Variants in ADAM17 observed in about 807,000 individuals in gnomAD.
ADAM17 encodes ADAM metallopeptidase domain 17.
Under a neutral mutation model 96.7 loss-of-function variants are expected in ADAM17, and 39 were observed. The ratio of observed to expected loss-of-function variants is 0.40; its 90% CI spans 0.31 to 0.53. The LOEUF (loss-of-function observed/expected upper bound fraction) is 0.53, where lower values mean the gene tolerates loss of function less well. ADAM17 is among the 20% of genes least tolerant of loss of function. The probability of loss-of-function intolerance (pLI) is 0.44; values close to 1 mark genes in which losing one functional copy is unlikely to be tolerated. For synonymous variants in ADAM17, 344 were observed against 359.2 expected (o/e 0.96, Z 0.48); for missense variants, 777 against 1,013.2 (o/e 0.77, Z 3.17).
At chr2:9,526,957 C>CAA (rs1664556229) in intron 5 of ADAM17, among the ~76,000 whole-genome samples, 1 of 151,960 alleles carries the variant, frequency 6.6e-6, no homozygotes, top group Non-Finnish European at 1.5e-5. Context: ...TTTAATAGGA[C>CAA]AACTTTCTTG....
At chr2:9,506,673 C>CAGATTGTCTAAGGGGTCTG (rs1167972708) in intron 11 of ADAM17, 2 of 152,332 alleles carry the variant, frequency 1.3e-5, no homozygotes, top group Non-Finnish European at 2.9e-5. Context: ...CCAAATCTGT[C>CAGATTGTCTAAGGGGTCTG]GTTACAGTAC....
chr2:9,522,331 G>T, intron 7 of ADAM17: 1 of 523,248 alleles, frequency 1.9e-6, no homozygotes. Flanking sequence ...TGAAACTAGT[G>T]ACATGAATGT....
intron 1 of ADAM17, among the ~76,000 whole-genome samples, chr2:9,545,225 G>A (rs1665361187): frequency 6.6e-6 from 1 of 152,116 alleles, no homozygotes; most frequent in Admixed American, 6.5e-5. Context: ...GGATCCAATA[G>A]TCTGTGTTTA....
At chr2:9,541,774 C>G (rs372265679) in intron 2 of ADAM17, among the ~76,000 whole-genome samples, 27 of 151,962 alleles carry the variant, frequency 1.8e-4, no homozygotes, top group Admixed American at 6.6e-5. Flanking sequence ...ATGCAGTGGC[C>G]CCTGTCTGTA....
chr2:9,531,457 C>CT (rs1338712890), intron 4 of ADAM17, among the ~76,000 whole-genome samples: 1 of 151,652 alleles, frequency 6.6e-6, no homozygotes, highest in Non-Finnish European at 1.5e-5. Context: ...ATCCCAGCAC[C>CT]TTGGGAGGCC....
rs1175757966 is a variant in ADAM17 at position 9,518,261 on chromosome 2, A to C, written c.958-14T>G. 1.2e-5 allele frequency: 8 copies of C among 660,810 alleles called. No individual in the cohort carries two copies. Among genetic ancestry groups the C allele is most frequent in the Non-Finnish European group, 1.7e-5 (8 of 482,020 alleles). 40.9% of individuals were successfully genotyped at this position (660,810 alleles called of 1,614,324 possible). On this transcript the variant is annotated splice_polypyrimidine_tract_variant and intron_variant, in intron 8 of 18. Transcript: ENST00000310823. Reference sequence around the variant, plus strand: ...AAAGCTAAATTGCTTTGAAAGACCAAAAAAAAAAAAAAAAAAAAAAGCATT... The same window carrying C: ...AAAGCTAAATTGCTTTGAAAGACCACAAAAAAAAAAAAAAAAAAAAGCATT...
Position 9,555,682 on chromosome 2 carries a change from G to C in ADAM17, c.-77C>G, listed in dbSNP as rs890946256. ...GGGTTTCGGAAAACTGCTCACATCG[G>C]GGGAGGACGGGATCCGCCCGGCCTA... On this transcript the variant is annotated 5_prime_UTR_variant, in exon 1 of 19. Transcript: ENST00000310823. The C allele has an allele frequency of 1.9e-5, 24 of 1,240,970 alleles. No individual in the cohort carries two copies. Among genetic ancestry groups the C allele is most frequent in the Non-Finnish European group, 2.4e-5 (22 of 907,564 alleles). The allele number at this position is 1,240,970 out of a possible 1,614,324, so 76.9% of individuals were successfully genotyped here.
intron 18 of ADAM17, 72 bp from the exon 19 acceptor site, chr2:9,490,590 A>ATT: frequency 7.1e-7 from 1 of 1,411,772 alleles, no homozygotes; most frequent in East Asian, 2.5e-5. Context: ...CTCCACCCTT[A>ATT]CCCATCAAAC....
chr2:9,517,811 A>AT, intron 10 of ADAM17, 90 bp downstream of exon 10: 9 of 846,162 alleles, frequency 1.1e-5, no homozygotes, highest in South Asian at 3.6e-5. Context: ...TATATATTAC[A>AT]TTTTTTAAAA....
chr2:9,502,452 T>A (rs1327126517), intron 12 of ADAM17, among the ~76,000 whole-genome samples, 176 bp from the exon 13 acceptor site: 1 of 152,110 alleles, frequency 6.6e-6, no homozygotes, highest in East Asian at 1.9e-4. Flanking sequence ...ACACACTTTG[T>A]CCCTTCCTAA....
intron 8 of ADAM17, among the ~76,000 whole-genome samples, chr2:9,518,467 G>C (rs984139857): frequency 3.3e-5 from 5 of 152,128 alleles, no homozygotes; most frequent in African/African-American, 1.2e-4. Context: ...CATCTGACAA[G>C]GGACACAAAA....
intron 13 of ADAM17, 103 bp downstream of exon 13, chr2:9,502,070 T>G: frequency 9.6e-7 from 1 of 1,043,246 alleles, no homozygotes; most frequent in Non-Finnish European, 1.4e-6. Flanking sequence ...CATATGAGAT[T>G]AAAAATAAGG....
intron 1 of ADAM17, 145 bp downstream of exon 1, chr2:9,555,364 A>G: frequency 1.6e-6 from 1 of 610,472 alleles, no homozygotes; most frequent in Non-Finnish European, 2.7e-6. Context: ...TCCGAGAGCC[A>G]CACCCCCTTC....
At chr2:9,494,217 T>C (rs539949219) in intron 15 of ADAM17, among the ~76,000 whole-genome samples, 2 of 152,318 alleles carry the variant, frequency 1.3e-5, no homozygotes, top group Non-Finnish European at 2.9e-5. Flanking sequence ...TATGCTTCTC[T>C]AGAGAACAAA....
chr2:9,518,895 TTG>T (rs1664189122), intron 8 of ADAM17, among the ~76,000 whole-genome samples: 1 of 91,722 alleles, frequency 1.1e-5, no homozygotes, highest in African/African-American at 3.5e-5. Flanking sequence ...AAACCTTAAT[TTG>T]GGGGGGGGGT....
chr2:9,522,924 T>C (rs994378153), intron 7 of ADAM17, among the ~76,000 whole-genome samples: 47 of 152,120 alleles, frequency 3.1e-4, no homozygotes, highest in African/African-American at 1.1e-3. Context: ...CAATGGTGCA[T>C]GCCAGAGTTT....
At chr2:9,543,695 C>T (rs938100493) in intron 1 of ADAM17, among the ~76,000 whole-genome samples, 3 of 152,134 alleles carry the variant, frequency 2.0e-5, no homozygotes, top group African/African-American at 7.2e-5. Context: ...AAGACTCTTA[C>T]TCATGTGTGG....
At chr2:9,518,036 TTATAA>T (rs777397209) in intron 9 of ADAM17, 47 bp from the exon 10 acceptor site, 5 of 1,576,732 alleles carry the variant, frequency 3.2e-6, no homozygotes, top group Non-Finnish European at 4.3e-6. Context: ...AAATACAGAA[TTATAA>T]TATAATCCAA....
intron 10 of ADAM17, among the ~76,000 whole-genome samples, chr2:9,516,630 G>C (rs191080067): frequency 6.6e-6 from 1 of 152,142 alleles, no homozygotes; most frequent in African/African-American, 2.4e-5. Context: ...ACAGGTGCTT[G>C]TAATCCCAAC....
Sources: allele counts gnomAD v4.1 joint callset (sites outside exome capture counted in the v4.1 genomes callset), GRCh38; gene constraint gnomAD v4.1.1; transcripts MANE v1.5; gene names NCBI Gene and HGNC (gene_info 2026-07-23, HGNC 2026-07-21).